Variants in GNAL observed in about 807,000 individuals in gnomAD.
GNAL encodes the protein G protein subunit alpha L.
In GNAL, 18 loss-of-function variants were observed where a neutral mutation model predicts 55.1. The ratio of observed to expected loss-of-function variants is 0.33; its 90% CI spans 0.23 to 0.48. The LOEUF (loss-of-function observed/expected upper bound fraction) is 0.48, where lower values mean the gene tolerates loss of function less well. Ranked by LOEUF, GNAL falls within the 20% of genes least tolerant of loss-of-function variation. The pLI, the probability that GNAL is intolerant of heterozygous loss-of-function variation, is 0.99. For missense variants in GNAL, 412 were observed against 614.1 expected, an observed-to-expected ratio of 0.67 and a Z score of 3.48; for synonymous variants, 253 against 237.0, an observed-to-expected ratio of 1.07 and a Z score of -0.62.
At chr18:11,824,293 A>G (rs2035184161) in intron 4 of GNAL, among the ~76,000 whole-genome samples, 1 of 151,576 alleles carries the variant, frequency 6.6e-6, no homozygotes, top group African/African-American at 2.4e-5. Flanking sequence ...TAAGTTACTG[A>G]ATTCTAAATA....
intron 1 of GNAL, among the ~76,000 whole-genome samples, chr18:11,726,551 C>T (rs924439973): frequency 1.2e-4 from 18 of 152,346 alleles, no homozygotes; most frequent in South Asian, 2.1e-4. Context: ...CACCTCCTCG[C>T]GCCCTGGGGT....
intron 4 of GNAL, among the ~76,000 whole-genome samples, chr18:11,814,028 A>G (rs925962806): frequency 6.6e-6 from 1 of 152,226 alleles, no homozygotes; most frequent in Non-Finnish European, 1.5e-5. Context: ...TCCTTACACC[A>G]TACCCAAAAA....
chr18:11,862,313 G>A (rs144848733), intron 5 of GNAL, 82 bp from the exon 6 acceptor site: 1 of 1,040,342 alleles, frequency 9.6e-7, no homozygotes. Context: ...CTGTACTTGG[G>A]TGATGTCCCA....
intron 4 of GNAL, among the ~76,000 whole-genome samples, chr18:11,823,194 C>T (rs571752481): frequency 2.2e-4 from 34 of 152,122 alleles, no homozygotes; most frequent in African/African-American, 8.2e-4. Context: ...GATGGCTCTT[C>T]GAAGGAAATC....
In GNAL at chr18:11,752,283, T is replaced by C. The variant is rs922672701; in HGVS notation, c.377-570T>C. On this transcript the variant is annotated intron_variant, in intron 1 of 11. Transcript: ENST00000334049. The surrounding 1 kb of genome is among the most constrained non-coding windows in gnomAD (Gnocchi z 4.5). ...GGCAGGGGGAGGGAGAAGAAACGCCTGCTCTGAATCGGAAAACACCGAAGA... is the reference window on the plus strand; with the variant it reads ...GGCAGGGGGAGGGAGAAGAAACGCCCGCTCTGAATCGGAAAACACCGAAGA... 7 of 1,424,458 alleles carry C rather than the reference T, an allele frequency of 4.9e-6. No individual in the cohort carries two copies. In the East Asian group the frequency reaches 1.4e-4, roughly 28 times the overall value. 88.2% of individuals were successfully genotyped at this position (1,424,458 alleles called of 1,614,324 possible).
chr18:11,734,504 T>C (rs1307117238), intron 1 of GNAL, among the ~76,000 whole-genome samples: 1 of 151,996 alleles, frequency 6.6e-6, no homozygotes, highest in Non-Finnish European at 1.5e-5. Context: ...CAATCATGTC[T>C]GGGCTCTGAG....
chr18:11,708,287 G>A (rs996200947), intron 1 of GNAL, among the ~76,000 whole-genome samples: 12 of 152,136 alleles, frequency 7.9e-5, no homozygotes, highest in African/African-American at 2.2e-4. Flanking sequence ...TTATTAAATG[G>A]CCCTAATTTC....
chr18:11,707,014 CATT>C (rs1241021967), intron 1 of GNAL, among the ~76,000 whole-genome samples: 4 of 152,060 alleles, frequency 2.6e-5, no homozygotes, highest in Admixed American at 6.5e-5. Flanking sequence ...GGTTTGTTGA[CATT>C]GTTGTTTTGA....
At chr18:11,767,042 T>G (rs935399110) in intron 4 of GNAL, among the ~76,000 whole-genome samples, 4 of 152,228 alleles carry the variant, frequency 2.6e-5, no homozygotes, top group Admixed American at 6.5e-5. Context: ...TTTAAGACAT[T>G]TTGTCCCTCC....
chr18:11,841,737 C>A (rs1760257637), intron 5 of GNAL, among the ~76,000 whole-genome samples: 1 of 151,998 alleles, frequency 6.6e-6, no homozygotes, highest in Admixed American at 6.6e-5. Flanking sequence ...AGCACCTCTG[C>A]TTCCCAACTG....
chr18:11,853,511 A>G (rs1482345118), intron 5 of GNAL: 1 of 167,088 alleles, frequency 6.0e-6, no homozygotes, highest in Middle Eastern at 3.1e-3. Flanking sequence ...ATTTTTCCAT[A>G]AGAGAATTCC....
intron 11 of GNAL, among the ~76,000 whole-genome samples, chr18:11,879,615 C>A (rs553784917): frequency 6.1e-4 from 93 of 152,234 alleles, no homozygotes; most frequent in African/African-American, 2.1e-3. Flanking sequence ...TCTGTAAAGG[C>A]CTTATCTCCA....
chr18:11,784,417 A>G (rs2034002271), intron 4 of GNAL, among the ~76,000 whole-genome samples: 1 of 152,168 alleles, frequency 6.6e-6, no homozygotes, highest in Admixed American at 6.5e-5. Context: ...TGGAATGGTG[A>G]GGCCTTACCT....
Position 11,867,243 on chromosome 18 carries a change from C to A in GNAL, c.910+17C>A, listed in dbSNP as rs1451346298. 1.3e-6 allele frequency: 2 copies of A among 1,537,626 alleles called. No homozygotes were observed. Among genetic ancestry groups the A allele is most frequent in the Admixed American group, 1.7e-5 (1 of 59,758 alleles). On this transcript the variant is annotated intron_variant, in intron 8 of 11. Transcript: ENST00000334049. Reference sequence around the variant, plus strand: ...GCTTTAACGGTGATTTTTTTATGCTCTCTCAAGAAAATAGGAGTGAATTCT... The same window carrying A: ...GCTTTAACGGTGATTTTTTTATGCTATCTCAAGAAAATAGGAGTGAATTCT...
intron 4 of GNAL, among the ~76,000 whole-genome samples, chr18:11,817,529 G>T (rs577098699): frequency 2.6e-5 from 4 of 152,262 alleles, no homozygotes; most frequent in South Asian, 4.1e-4. Context: ...CACGCTTCTT[G>T]CTAGGAAAGA....
chr18:11,689,809 T>TGCCGAGGAGCGCGAGGCG lies in GNAL; in HGVS notation c.250_267dup (p.Glu84_Ala89dup), dbSNP rs779605505. 78 of 1,538,008 alleles carry TGCCGAGGAGCGCGAGGCG rather than the reference T, an allele frequency of 5.1e-5. No homozygotes were observed. The highest frequency in any genetic ancestry group is 1.7e-4 in the Middle Eastern group (1 of 5,936). ...AGCGGCAGCGCACCGAGCAGCTGAGTGCCGAGGAGCGCGAGGCGGCCAAGG... is the reference window on the plus strand; with the variant it reads ...AGCGGCAGCGCACCGAGCAGCTGAGTGCCGAGGAGCGCGAGGCGGCCGAGGAGCGCGAGGCGGCCAAGG... On this transcript the variant is annotated inframe_insertion, in exon 1 of 12. Coordinates refer to ENST00000334049, the MANE Select transcript of GNAL (RefSeq NM_182978.4).
chr18:11,735,750 G>A (rs1418932731), intron 1 of GNAL, among the ~76,000 whole-genome samples: 3 of 142,508 alleles, frequency 2.1e-5, no homozygotes, highest in Non-Finnish European at 4.5e-5. Flanking sequence ...GTGAGAACCT[G>A]TCTCAAAAAA....
In GNAL at chr18:11,784,734, A is replaced by AT. The variant is rs1293632536; in HGVS notation, c.624+30795dup. Among the ~76,000 whole-genome samples the AT allele has an allele frequency of 4.6e-5, 7 of 152,104 alleles. No homozygotes were observed. The East Asian group carries it at 1.3e-3, about 29-fold the overall frequency. ...ATCTGAGTAAAAGAAATGGAGAAAG[A>AT]TTTTTTCGGCCTCAGTGGAATTGAA... On this transcript the variant is annotated intron_variant, in intron 4 of 11. Coordinates refer to ENST00000334049, the MANE Select transcript of GNAL (RefSeq NM_182978.4).
At chr18:11,691,534 C>A (rs13353243) in intron 1 of GNAL, among the ~76,000 whole-genome samples, 20,783 of 145,382 alleles carry the variant, frequency 0.14, 2,036 homozygotes, top group African/African-American at 0.33. Flanking sequence ...AAGTCCTTGC[C>A]CATGCCTATG....
Sources: allele counts gnomAD v4.1 joint callset (sites outside exome capture counted in the v4.1 genomes callset), GRCh38; gene constraint gnomAD v4.1.1; non-coding constraint Gnocchi (gnomAD v3.1); transcripts MANE v1.5; gene names NCBI Gene and HGNC (gene_info 2026-07-23, HGNC 2026-07-21).